The following PRDM1 variants were observed in gnomAD, a reference collection of about 807,000 sequenced individuals.
PRDM1 encodes the protein PR domain zinc finger protein 1.
Under a neutral mutation model 62.8 loss-of-function variants are expected in PRDM1, and 13 were observed. That is an observed-to-expected ratio of 0.21 (90% confidence interval 0.13 to 0.33). The LOEUF is 0.33. Among genes scored for constraint, PRDM1 ranks in the 10% least tolerant of loss-of-function variants. The pLI, the probability that PRDM1 is intolerant of heterozygous loss-of-function variation, is 1.00. For missense variants in PRDM1, 895 were observed against 1,058.8 expected (o/e 0.85, Z 2.15); for synonymous variants, 396 against 417.6 (o/e 0.95, Z 0.63).
chr6:106,027,536 G>C (rs1225415079), intron 1 of PRDM1, among the ~76,000 whole-genome samples: 2 of 152,084 alleles, frequency 1.3e-5, no homozygotes, highest in Non-Finnish European at 2.9e-5. Flanking sequence ...GACTTCAAAG[G>C]GGAGTTTTGG....
intron 1 of PRDM1, among the ~76,000 whole-genome samples, chr6:106,079,032 C>T (rs1773648737): frequency 6.6e-6 from 1 of 151,948 alleles, no homozygotes; most frequent in Admixed American, 6.6e-5. Context: ...GCGATCTCAG[C>T]TTACTGCAAC....
chr6:106,015,148 A>G (rs1379855524), intron 1 of PRDM1, among the ~76,000 whole-genome samples: 1 of 152,214 alleles, frequency 6.6e-6, no homozygotes, highest in Non-Finnish European at 1.5e-5. Flanking sequence ...ACAAGGTGGT[A>G]ATCTCTTAGC....
intron 1 of PRDM1, among the ~76,000 whole-genome samples, chr6:106,006,418 A>C (rs767984220): frequency 8.8e-5 from 13 of 148,426 alleles, no homozygotes; most frequent in Admixed American, 5.4e-4. Flanking sequence ...AATTATGAGA[A>C]TTTAATACAT....
rs550792360 is a variant in PRDM1, at chr6:106,109,296, AT to A, written c.*1820del. 853 of 212,416 alleles carry A rather than the reference AT, an allele frequency of 4.0e-3. No homozygotes were observed. The highest frequency in any genetic ancestry group is 0.014 in the Middle Eastern group (9 of 664). 13.2% of individuals were successfully genotyped at this position (212,416 alleles called of 1,614,324 possible). ...ATTAAGGACCATCTAAGACAGCTCTATTTTTTTTTTGCCACTTTATGATTAT... is the reference window on the plus strand; with the variant it reads ...ATTAAGGACCATCTAAGACAGCTCTATTTTTTTTTGCCACTTTATGATTAT... On this transcript the variant is annotated 3_prime_UTR_variant, in exon 7 of 7. Transcript: ENST00000369096.
At chr6:106,088,075 A>G in intron 1 of PRDM1, 126 bp from the exon 2 acceptor site, 1 of 1,235,320 alleles carries the variant, frequency 8.1e-7, no homozygotes. Context: ...GCTCTTTCTC[A>G]ACTGTACCAA....
intron 1 of PRDM1, among the ~76,000 whole-genome samples, chr6:106,058,331 G>C (rs1488189172): frequency 2.0e-5 from 3 of 152,178 alleles, no homozygotes; most frequent in Non-Finnish European, 4.4e-5. Context: ...GATACAATCA[G>C]AGTGAGAGAA....
At chr6:106,072,109 C>G (rs930334151) in intron 1 of PRDM1, 2 of 152,142 alleles carry the variant, frequency 1.3e-5, no homozygotes, top group African/African-American at 4.8e-5. Context: ...TTTCTGATGC[C>G]CTTGGCTGGG....
At chr6:106,060,269 T>C (rs575078276) in intron 1 of PRDM1, among the ~76,000 whole-genome samples, 260 of 152,258 alleles carry the variant, frequency 1.7e-3, no homozygotes, top group African/African-American at 6.0e-3. Flanking sequence ...TCCAAAGTCA[T>C]GTGAAGAATT....
At chr6:106,067,162 T>C (rs927191187) in intron 1 of PRDM1, among the ~76,000 whole-genome samples, 1 of 152,204 alleles carries the variant, frequency 6.6e-6, no homozygotes, top group Admixed American at 6.5e-5. Flanking sequence ...TCATAGAATT[T>C]GCTTGCATAA....
chr6:106,092,764 A>G (rs937491017), intron 2 of PRDM1, among the ~76,000 whole-genome samples: 6 of 152,146 alleles, frequency 3.9e-5, no homozygotes, highest in Admixed American at 1.3e-4. Flanking sequence ...CCATAGTCTT[A>G]GAGTTTCAGC....
At chr6:105,997,599 G>C (rs1195477183) in intron 1 of PRDM1, among the ~76,000 whole-genome samples, 3 of 152,214 alleles carry the variant, frequency 2.0e-5, no homozygotes, top group South Asian at 2.1e-4. Flanking sequence ...CTTAGTACCA[G>C]AGGTTCCCTG....
Position 106,106,551 on chromosome 6 carries a change from G to C in PRDM1, c.1902+52G>C. On this transcript the variant is annotated intron_variant, in intron 6 of 6. Transcript: ENST00000369096. This position sits in a 1 kb window ranked among gnomAD's most constrained non-coding sequence, Gnocchi z 4.4. ...TCTGACCTTTGTAGAAAATGTCTGT[G>C]AGTCACCCTCCCATGTCCTATATAG... The C allele has an allele frequency of 6.2e-7, 1 of 1,608,692 alleles. No homozygotes were observed. Among genetic ancestry groups the C allele is most frequent in the Middle Eastern group, 1.7e-4 (1 of 6,050 alleles).
At chr6:106,007,951 G>C (rs923118565) in intron 1 of PRDM1, among the ~76,000 whole-genome samples, 9 of 152,166 alleles carry the variant, frequency 5.9e-5, no homozygotes, top group African/African-American at 2.2e-4. Flanking sequence ...CTCAATGTTT[G>C]TTCCACGAAA....
At chr6:106,098,341 T>C (rs950311787) in intron 3 of PRDM1, 6 of 985,252 alleles carry the variant, frequency 6.1e-6, no homozygotes, top group Admixed American at 1.2e-4. Context: ...AGTAAGAGTG[T>C]ACGTTTTAAT....
intron 1 of PRDM1, among the ~76,000 whole-genome samples, chr6:106,006,835 T>A (rs1772489345): frequency 6.6e-6 from 1 of 151,924 alleles, no homozygotes; most frequent in African/African-American, 2.4e-5. Flanking sequence ...AGCAAAGTTA[T>A]CTCATCACCC....
At position 106,088,197 on chromosome 6, in the gene PRDM1, C is replaced by A; in HGVS notation, c.43-4C>A. 1.3e-6 allele frequency: 2 copies of A among 1,598,672 alleles called. No individual in the cohort carries two copies. Among genetic ancestry groups the A allele is most frequent in the Non-Finnish European group, 1.7e-6 (2 of 1,172,216 alleles). Reference sequence around the variant, plus strand: ...GGATTAAAGGCCTTTCCTTTCTCTTCCAGGCTGCCCCCAAGTGTAACTCCA... The same window carrying A: ...GGATTAAAGGCCTTTCCTTTCTCTTACAGGCTGCCCCCAAGTGTAACTCCA... On this transcript the variant is annotated splice_polypyrimidine_tract_variant and splice_region_variant and intron_variant, in intron 1 of 6. Coordinates refer to ENST00000369096, the MANE Select transcript of PRDM1 (RefSeq NM_001198.4).
chr6:106,075,245 CA>C (rs1400625090), intron 1 of PRDM1, among the ~76,000 whole-genome samples: 1 of 152,086 alleles, frequency 6.6e-6, no homozygotes, highest in Non-Finnish European at 1.5e-5. Context: ...AAAGTAAGGA[CA>C]GTCTATTATT....
In PRDM1 at chr6:106,105,714, G is replaced by A. The variant is rs1440378072; in HGVS notation, c.1554G>A (p.Thr518=). Residue 518 remains threonine (T), a synonymous_variant, in exon 5 of 7, where the codon ACG becomes ACA. Coordinates refer to ENST00000369096, the MANE Select transcript of PRDM1 (RefSeq NM_001198.4). The stretch of plus-strand genomic sequence containing the variant: ...GTAGCCCCACAAGCGGGTCTCCCAC[G>A]GCGGGAACAGCCGCCACGGCAGAAC... ...KACSPTSGSP[T]AGTAATAEHV... is the part of the protein sequence containing the mutation. The A allele has an allele frequency of 6.8e-6, 11 of 1,613,256 alleles. No homozygotes were observed. The highest frequency in any genetic ancestry group is 9.3e-6 in the Non-Finnish European group (11 of 1,179,640).
At chr6:106,032,209 G>T (rs1477942319) in intron 1 of PRDM1, among the ~76,000 whole-genome samples, 1 of 152,128 alleles carries the variant, frequency 6.6e-6, no homozygotes, top group African/African-American at 2.4e-5. Context: ...TGTCACCCAG[G>T]CTGGAGTGCA....
Sources: allele counts gnomAD v4.1 joint callset (sites outside exome capture counted in the v4.1 genomes callset), GRCh38; gene constraint gnomAD v4.1.1; non-coding constraint Gnocchi (gnomAD v3.1); transcripts MANE v1.5; gene names NCBI Gene and HGNC (gene_info 2026-07-23, HGNC 2026-07-21).